ADGRB1: variants seen among roughly 807,000 people sequenced by gnomAD.
ADGRB1 encodes the protein adhesion G protein-coupled receptor B1.
In ADGRB1, 36 loss-of-function variants were observed where a neutral mutation model predicts 175.7. That is an observed-to-expected ratio of 0.20 (90% CI 0.16 to 0.27). The LOEUF is 0.27. Among genes scored for constraint, ADGRB1 ranks in the 10% least tolerant of loss-of-function variants. The probability of loss-of-function intolerance (pLI) is 1.00; values close to 1 mark genes in which losing one functional copy is unlikely to be tolerated. For synonymous variants in ADGRB1, 1,054 were observed against 979.4 expected (o/e 1.08, Z -1.42); for missense variants, 1,731 against 2,255.3 (o/e 0.77, Z 4.71).
intron 18 of ADGRB1, among the ~76,000 whole-genome samples, chr8:142,517,348 C>T (rs1381563643): frequency 6.6e-6 from 1 of 152,198 alleles, no homozygotes; most frequent in Non-Finnish European, 1.5e-5. Context: ...ATTCAGGTCA[C>T]CCCGGCACCC....
In ADGRB1 at chr8:142,542,787, C is replaced by A; in HGVS notation, c.4413+140C>A. On this transcript the variant is annotated intron_variant, in intron 28 of 30. Coordinates refer to ENST00000517894, the MANE Select transcript of ADGRB1 (RefSeq NM_001702.3). The surrounding 1 kb of genome is among the most constrained non-coding windows in gnomAD (Gnocchi z 6.3). Reference sequence around the variant, plus strand: ...TCCTAGCTACACCCCCCACCCCTGGCCCTGCTGGGTGTGCTGTGTATGTCT... The same window carrying A: ...TCCTAGCTACACCCCCCACCCCTGGACCTGCTGGGTGTGCTGTGTATGTCT... The A allele has an allele frequency of 2.6e-6, 2 of 781,554 alleles. No homozygotes were observed. The highest frequency in any genetic ancestry group is 3.9e-6 in the Non-Finnish European group (2 of 514,982). The allele number at this position is 781,554 out of a possible 1,614,324, so 48.4% of individuals were successfully genotyped here.
At chr8:142,512,492 C>T (rs984268129) in intron 18 of ADGRB1, among the ~76,000 whole-genome samples, 1 of 152,226 alleles carries the variant, frequency 6.6e-6, no homozygotes, top group African/African-American at 2.4e-5. Context: ...CGAGGAGGAC[C>T]TGGGCAGGAG....
intron 3 of ADGRB1, among the ~76,000 whole-genome samples, chr8:142,475,896 C>CTGGCCCGTGGGAGTG (rs1554606852): frequency 6.9e-6 from 1 of 145,318 alleles, no homozygotes; most frequent in Non-Finnish European, 1.5e-5. Flanking sequence ...GACCTAAACT[C>CTGGCCCGTGGGAGTG]GGGGCTGGCC....
intron 2 of ADGRB1, among the ~76,000 whole-genome samples, chr8:142,465,460 G>A (rs1840224554): frequency 6.6e-6 from 1 of 152,118 alleles, no homozygotes; most frequent in African/African-American, 2.4e-5. Flanking sequence ...GGGGACTCGG[G>A]CTGCGTGGAA....
rs554898639 is a variant in ADGRB1, at chr8:142,465,157, T to C, written c.784+175T>C. ...GTCTTCTTCCGCAGGGCTGCCCTGC[T>C]AGCACCGCTGTCTGGAGAGTGTGTA... is the stretch of plus-strand genomic sequence containing the variant. On this transcript the variant is annotated intron_variant, in intron 2 of 30. Transcript: ENST00000517894. 1.5e-3 allele frequency among the ~76,000 whole-genome samples: 229 copies of C among 152,170 alleles called. 1 individual carries two copies. Among genetic ancestry groups the C allele is most frequent in the African/African-American group, 5.3e-3 (220 of 41,530 alleles).
rs1587334099 is a variant in ADGRB1, at chr8:142,492,212, A to G, written c.2675+1397A>G. On this transcript the variant is annotated intron_variant, in intron 17 of 30. Coordinates refer to ENST00000517894, the MANE Select transcript of ADGRB1 (RefSeq NM_001702.3). The surrounding 1 kb of genome is among the most constrained non-coding windows in gnomAD (Gnocchi z 4.4). ...TGCCACCACCTTCTACCCACCACCC[A>G]TCCACCGCTCCTCCGTCCGCCTGTT... Among the ~76,000 whole-genome samples the G allele has an allele frequency of 3.3e-5, 5 of 151,810 alleles. No homozygotes were observed. The South Asian group carries it at 1.0e-3, about 32-fold the overall frequency.
chr8:142,464,668 G>T lies in ADGRB1; in HGVS notation c.470G>T (p.Arg157Leu), dbSNP rs1161107101. 6.6e-7 allele frequency: 1 copy of T among 1,522,394 alleles called. No individual in the cohort carries two copies. The highest frequency in any genetic ancestry group is 2.5e-5 in the East Asian group (1 of 39,516). The allele number at this position is 1,522,394 out of a possible 1,614,324, so 94.3% of individuals were successfully genotyped here. ...CAGCCGCCCCAGCACGACGGGCTCC[G>T]GCCCCGGGCCGGGCCGCCGGGCCCC... ...RQQPPQHDGL[R>L]PRAGPPGPTD... The change falls in exon 2 of 31, where the codon CGG (arginine) becomes CTG (leucine). Residue 157 changes from arginine (R) to leucine (L), a missense_variant. This residue lies in a region of ADGRB1 where 383 missense variants were observed against 383.1 expected (regional missense o/e 1.00). Transcript: ENST00000517894.
intron 13 of ADGRB1, among the ~76,000 whole-genome samples, chr8:142,485,242 T>G (rs1841606760): frequency 6.6e-6 from 1 of 152,218 alleles, no homozygotes; most frequent in Non-Finnish European, 1.5e-5. Context: ...AGGTAGAGAC[T>G]GATGAGACGA....
At chr8:142,476,537 G>C (rs1300549047) in intron 3 of ADGRB1, 48 bp from the exon 4 acceptor site, 1 of 1,504,694 alleles carries the variant, frequency 6.6e-7, no homozygotes, top group East Asian at 2.5e-5. Context: ...AGAGAGAGAG[G>C]ACGGGGGCAA....
chr8:142,460,891 C>G (rs1839935202), intron 1 of ADGRB1, among the ~76,000 whole-genome samples: 1 of 152,166 alleles, frequency 6.6e-6, no homozygotes, highest in Non-Finnish European at 1.5e-5. Context: ...GACCCCAGCA[C>G]TGCCAGGGTG....
At chr8:142,516,607 GGT>G (rs149819921) in intron 18 of ADGRB1, among the ~76,000 whole-genome samples, 33 of 141,178 alleles carry the variant, frequency 2.3e-4, no homozygotes, top group African/African-American at 5.4e-4. Context: ...GCAGGCCACA[GGT>G]GTGTGTGTGT....
Position 142,479,310 on chromosome 8 carries a change from C to A in ADGRB1, c.1562-13C>A, listed in dbSNP as rs753722051. ...CTTGTCGCCTGTGCCCTGTGTCTGGCCACGCCCCGCAGTGGATGGCAAGTG... is the reference window on the plus strand; with the variant it reads ...CTTGTCGCCTGTGCCCTGTGTCTGGACACGCCCCGCAGTGGATGGCAAGTG... On this transcript the variant is annotated splice_polypyrimidine_tract_variant and intron_variant, in intron 7 of 30. Transcript: ENST00000517894. The A allele has an allele frequency of 1.6e-5, 23 of 1,481,030 alleles. No homozygotes were observed. The highest frequency in any genetic ancestry group is 2.0e-5 in the Non-Finnish European group (23 of 1,122,244). The allele number at this position is 1,481,030 out of a possible 1,614,324, so 91.7% of individuals were successfully genotyped here.
intron 3 of ADGRB1, 140 bp from the exon 4 acceptor site, chr8:142,476,445 C>A: frequency 2.8e-6 from 2 of 721,440 alleles, no homozygotes; most frequent in Non-Finnish European, 2.4e-6. Flanking sequence ...TGGTGCCAGG[C>A]TGGGCACTCT....
chr8:142,481,109 C>G, intron 9 of ADGRB1, 145 bp from the exon 10 acceptor site: 1 of 700,586 alleles, frequency 1.4e-6, no homozygotes, highest in South Asian at 1.7e-5. Context: ...CCTGCGTGGA[C>G]TCTGCTCTCG....
intron 17 of ADGRB1, among the ~76,000 whole-genome samples, chr8:142,497,381 AG>A (rs918622022): frequency 6.6e-6 from 1 of 151,340 alleles, no homozygotes; most frequent in Non-Finnish European, 1.5e-5. Flanking sequence ...GGGCAGGCCA[AG>A]GGGGGGGAAG....
chr8:142,522,162 C>G (rs539094632), intron 21 of ADGRB1, 47 bp downstream of exon 21: 8 of 1,585,786 alleles, frequency 5.0e-6, no homozygotes, highest in Non-Finnish European at 6.8e-6. Context: ...CCCTTCCTCC[C>G]CCACTGCTTG....
Position 142,487,252 on chromosome 8 carries a change from C to T in ADGRB1, c.2309-1112C>T, listed in dbSNP as rs115009773. Among the ~76,000 whole-genome samples the T allele has an allele frequency of 1.3e-3, 195 of 152,284 alleles. 1 individual carries two copies. The highest frequency in any genetic ancestry group is 4.5e-3 in the African/African-American group (188 of 41,562). On this transcript the variant is annotated intron_variant, in intron 13 of 30. Transcript: ENST00000517894. ...GTCCAGCCTCCCACCCCTTCGCCTG[C>T]TCCAGGGTGCTGCTCCAGCGTCCGT... is the stretch of plus-strand genomic sequence containing the variant.
At chr8:142,479,994 C>A (rs1291831047) in intron 9 of ADGRB1, among the ~76,000 whole-genome samples, 200 bp downstream of exon 9, 3 of 152,186 alleles carry the variant, frequency 2.0e-5, no homozygotes, top group Non-Finnish European at 4.4e-5. Context: ...TGAGCACTCG[C>A]TAGGGGCTGG....
intron 13 of ADGRB1, among the ~76,000 whole-genome samples, chr8:142,486,986 C>G (rs1486743292): frequency 6.6e-6 from 1 of 152,190 alleles, no homozygotes; most frequent in African/African-American, 2.4e-5. Flanking sequence ...CACCACTGCA[C>G]TTCAGCCTGA....
Sources: allele counts gnomAD v4.1 joint callset (sites outside exome capture counted in the v4.1 genomes callset), GRCh38; gene constraint gnomAD v4.1.1; regional missense constraint gnomAD v4.1.1; non-coding constraint Gnocchi (gnomAD v3.1); transcripts MANE v1.5; gene names NCBI Gene and HGNC (gene_info 2026-07-23, HGNC 2026-07-21).